CFAP100: variants seen among roughly 807,000 people sequenced by gnomAD.
The protein encoded by CFAP100 is cilia- and flagella-associated protein 100.
A neutral mutation model predicts 81.5 loss-of-function variants in CFAP100; 70 were observed. The observed-to-expected ratio is 0.86, with a 90% CI of 0.71 to 1.05. The LOEUF (loss-of-function observed/expected upper bound fraction) is 1.05, where lower values mean the gene tolerates loss of function less well. Ranked by LOEUF, CFAP100 falls within the 50% of genes least tolerant of loss-of-function variation. The probability of loss-of-function intolerance (pLI) is 0.00; values close to 1 mark genes in which losing one functional copy is unlikely to be tolerated. For synonymous variants in CFAP100, 341 were observed against 314.8 expected (o/e 1.08, Z -0.88); for missense variants, 811 against 776.5 (o/e 1.04, Z -0.53).
At chr3:126,413,120 A>G (rs1307251122) in intron 3 of CFAP100, among the ~76,000 whole-genome samples, 1 of 152,218 alleles carries the variant, frequency 6.6e-6, no homozygotes, top group Admixed American at 6.5e-5. Context: ...TTGAGTTGCT[A>G]GACAGAAGCA....
In CFAP100 at chr3:126,416,273, G is replaced by T. The variant is rs938882715; in HGVS notation, c.226-43G>T. On this transcript the variant is annotated intron_variant, in intron 4 of 16. Transcript: ENST00000352312. Reference sequence around the variant, plus strand: ...ACCGCGCGGGGAGGCCTGGACGCGGGTGGGGAGCCTGGGCCCCGCCCGACT... The same window carrying T: ...ACCGCGCGGGGAGGCCTGGACGCGGTTGGGGAGCCTGGGCCCCGCCCGACT... The T allele has an allele frequency of 5.2e-6, 8 of 1,537,084 alleles. No homozygotes were observed. In the African/African-American group the frequency reaches 8.3e-5, roughly 16 times the overall value.
chr3:126,436,248 G>A, intron 16 of CFAP100, 43 bp from the exon 17 acceptor site: 1 of 1,516,976 alleles, frequency 6.6e-7, no homozygotes, highest in Non-Finnish European at 9.1e-7. Context: ...TGGGCATACG[G>A]CTCACTAGGC....
At chr3:126,418,880 C>T in intron 7 of CFAP100, 106 bp downstream of exon 7, 1 of 1,362,286 alleles carries the variant, frequency 7.3e-7, no homozygotes, top group Admixed American at 2.7e-5. Context: ...CCCTGCAACT[C>T]CTCTGGAAGC....
chr3:126,411,656 C>A (rs2083158685), intron 3 of CFAP100, among the ~76,000 whole-genome samples: 1 of 151,760 alleles, frequency 6.6e-6, no homozygotes, highest in Admixed American at 6.6e-5. Context: ...TTGTGTGTTT[C>A]CAGGAATTTA....
chr3:126,436,395 C>T lies in CFAP100; in HGVS notation c.1827C>T (p.Phe609=). ...MDKEEEELLF[F]FT is the part of the protein sequence containing the mutation. Reference sequence around the variant, plus strand: ...AGGAGGAGGAGGAGCTGCTATTTTTCTTTACTTAATCTTCGCAGACCATAG... The same window carrying T: ...AGGAGGAGGAGGAGCTGCTATTTTTTTTTACTTAATCTTCGCAGACCATAG... Residue 609 remains phenylalanine, a synonymous_variant, in exon 17 of 17, where the codon TTC becomes TTT. Transcript: ENST00000352312. 2 of 1,613,190 alleles carry T rather than the reference C, an allele frequency of 1.2e-6. No individual in the cohort carries two copies. The highest frequency in any genetic ancestry group is 1.7e-6 in the Non-Finnish European group (2 of 1,179,258).
Position 126,435,584 on chromosome 3 carries a change from C to A in CFAP100, c.1654C>A (p.Gln552Lys). The A allele has an allele frequency of 6.2e-7, 1 of 1,611,852 alleles. No individual in the cohort carries two copies. The highest frequency in any genetic ancestry group is 8.5e-7 in the Non-Finnish European group (1 of 1,178,446). Residue 552 changes from glutamine (Q) to lysine (K), a missense_variant, in exon 16 of 17, where the codon CAA (glutamine) becomes AAA (lysine). Coordinates refer to ENST00000352312, the MANE Select transcript of CFAP100 (RefSeq NM_182628.3). ...IRLREEKLQM[Q>K]KILQEEHLQR... ...ACTTCGAGAAGAGAAGCTCCAGATG[C>A]AAAAGATCCTACAGGAGGAGCATCT...
intron 13 of CFAP100, 42 bp from the exon 14 acceptor site, chr3:126,433,027 G>A: frequency 6.2e-7 from 1 of 1,611,224 alleles, no homozygotes; most frequent in Non-Finnish European, 8.5e-7. Flanking sequence ...GCCCAGGGCT[G>A]TGCTGAGTGA....
intron 3 of CFAP100, among the ~76,000 whole-genome samples, chr3:126,408,472 C>T (rs1360242130): frequency 6.6e-6 from 1 of 152,194 alleles, no homozygotes; most frequent in East Asian, 1.9e-4. Context: ...CACTCTCTGG[C>T]CTTTGACTTG....
chr3:126,409,775 G>T (rs778676182), intron 3 of CFAP100, among the ~76,000 whole-genome samples: 4 of 152,152 alleles, frequency 2.6e-5, no homozygotes, highest in Non-Finnish European at 5.9e-5. Flanking sequence ...TTGTTGCATT[G>T]CCTGTTTATT....
At position 126,395,906 on chromosome 3, in the gene CFAP100, G is replaced by A. The variant is rs79527275; in HGVS notation, c.-59-36G>A. 9.3e-6 allele frequency: 10 copies of A among 1,078,810 alleles called. 1 individual carries two copies. In the Admixed American group the frequency reaches 1.5e-4, roughly 16 times the overall value. The allele number at this position is 1,078,810 out of a possible 1,614,324, so 66.8% of individuals were successfully genotyped here. A position where few individuals can be genotyped will look rare whatever the true frequency, so the allele number is the denominator to read the frequency against. On this transcript the variant is annotated intron_variant, in intron 1 of 16. Coordinates refer to ENST00000352312, the MANE Select transcript of CFAP100 (RefSeq NM_182628.3). ...CAGGGGGAAGGAAGCTCTGGGCTTG[G>A]GGACCACCAGGCTCAAGCACTGTGT...
At chr3:126,433,545 A>G (rs1933316438) in intron 14 of CFAP100, 1 of 268,638 alleles carries the variant, frequency 3.7e-6, no homozygotes, top group Admixed American at 4.9e-5. Flanking sequence ...GGGAGAGAAG[A>G]GAAAGCCAGT....
intron 3 of CFAP100, among the ~76,000 whole-genome samples, chr3:126,412,770 T>C (rs2083178280): frequency 6.6e-6 from 1 of 152,168 alleles, no homozygotes; most frequent in Non-Finnish European, 1.5e-5. Flanking sequence ...GTGTCTGACT[T>C]CTTAAGCCAG....
At chr3:126,435,327 G>A (rs533555875) in intron 15 of CFAP100, among the ~76,000 whole-genome samples, 1 of 152,264 alleles carries the variant, frequency 6.6e-6, no homozygotes, top group East Asian at 1.9e-4. Context: ...CAGAGCCAGG[G>A]CCTCGGAGCA....
chr3:126,418,871 C>T, intron 7 of CFAP100, 97 bp downstream of exon 7: 1 of 1,396,294 alleles, frequency 7.2e-7, no homozygotes, highest in Non-Finnish European at 9.6e-7. Context: ...GCCCCCAGCC[C>T]CTGCAACTCC....
chr3:126,399,915 T>A (rs1035697114), intron 2 of CFAP100, among the ~76,000 whole-genome samples: 3 of 152,064 alleles, frequency 2.0e-5, no homozygotes, highest in Non-Finnish European at 2.9e-5. Flanking sequence ...GAAATAAGGA[T>A]CTTGTCCTCC....
chr3:126,413,004 C>T (rs757814087), intron 3 of CFAP100, among the ~76,000 whole-genome samples: 2 of 152,246 alleles, frequency 1.3e-5, no homozygotes, highest in Admixed American at 6.5e-5. Context: ...GCCGCCCATG[C>T]GTGTTCATCA....
At chr3:126,401,616 C>T (rs2082984475) in intron 2 of CFAP100, among the ~76,000 whole-genome samples, 1 of 149,354 alleles carries the variant, frequency 6.7e-6, no homozygotes, top group Non-Finnish European at 1.5e-5. Flanking sequence ...GAGAAGGTGA[C>T]ATTTGAGTAG....
intron 2 of CFAP100, among the ~76,000 whole-genome samples, chr3:126,404,803 G>A (rs2083038274): frequency 6.6e-6 from 1 of 152,060 alleles, no homozygotes; most frequent in Admixed American, 6.6e-5. Flanking sequence ...GCCTCCCAAT[G>A]AGCTGGGACT....
intron 2 of CFAP100, among the ~76,000 whole-genome samples, chr3:126,397,892 G>C (rs1299157914): frequency 6.6e-6 from 1 of 152,250 alleles, no homozygotes; most frequent in African/African-American, 2.4e-5. Flanking sequence ...AGGGCCCAGG[G>C]CAGGGGCCTG....
Sources: gnomAD v4.1 joint callset for allele counts (sites outside exome capture counted in the v4.1 genomes callset) on GRCh38, gnomAD v4.1.1 for gene constraint, MANE v1.5 for transcripts, NCBI Gene and HGNC (gene_info 2026-07-23, HGNC 2026-07-21) for gene names.